SENP7: variants seen among roughly 807,000 people sequenced by gnomAD.
SENP7 encodes the protein SUMO specific peptidase 7, also known as sentrin-specific protease 7.
In SENP7, 64 loss-of-function variants were observed where a neutral mutation model predicts 141.2. The observed-to-expected ratio is 0.45, with a 90% confidence interval of 0.37 to 0.56. The LOEUF (loss-of-function observed/expected upper bound fraction) is 0.56. Ranked by LOEUF, SENP7 falls within the 20% of genes least tolerant of loss-of-function variation. The probability of loss-of-function intolerance (pLI) is 0.00; values close to 1 mark genes in which losing one functional copy is unlikely to be tolerated. For missense variants in SENP7, 1,025 were observed against 1,212.2 expected (o/e 0.85, Z 2.29); for synonymous variants, 382 against 426.4 (o/e 0.90, Z 1.28).
rs552764547 is a variant in SENP7, at chr3:101,464,423, C to T, written c.187-5371G>A. On this transcript the variant is annotated intron_variant, in intron 3 of 23. Coordinates refer to ENST00000394095, the MANE Select transcript of SENP7 (RefSeq NM_020654.5). ...CTTCACCTGTATTTACAGCCACTCC[C>T]CATTACTCACATTACCACCTGAGCT... Among the ~76,000 whole-genome samples the T allele has an allele frequency of 2.0e-5, 3 of 152,240 alleles. No homozygotes were observed. The East Asian group carries it at 5.8e-4, about 29-fold the overall frequency.
chr3:101,363,595 T>A (rs2059957225), intron 10 of SENP7, among the ~76,000 whole-genome samples: 1 of 152,230 alleles, frequency 6.6e-6, no homozygotes, highest in Admixed American at 6.5e-5. Context: ...TTAAATTCAT[T>A]ATCAATAATG....
intron 4 of SENP7, among the ~76,000 whole-genome samples, chr3:101,449,160 A>C (rs1355060182): frequency 6.6e-6 from 1 of 152,174 alleles, no homozygotes; most frequent in Non-Finnish European, 1.5e-5. Context: ...ATGAAGAGAG[A>C]AGTTTAGAGA....
rs539780941 is a variant in SENP7 at position 101,493,502 on chromosome 3, T to C, written c.186+371A>G. On this transcript the variant is annotated intron_variant, in intron 3 of 23. Coordinates refer to ENST00000394095, the MANE Select transcript of SENP7 (RefSeq NM_020654.5). ...GTCCAGATTTATAATCAAAATAGCT[T>C]TTGAAATATAGTTATATTACTCCTT... Among the ~76,000 whole-genome samples, 130 of 152,342 alleles carry C rather than the reference T, an allele frequency of 8.5e-4. 1 individual carries two copies. Among genetic ancestry groups the C allele is most frequent in the African/African-American group, 2.8e-3 (116 of 41,572 alleles).
intron 3 of SENP7, among the ~76,000 whole-genome samples, chr3:101,473,367 C>T (rs566390740): frequency 6.6e-6 from 1 of 152,278 alleles, no homozygotes; most frequent in South Asian, 2.1e-4. Context: ...TATAACCATT[C>T]CTTTTTCTCC....
At chr3:101,457,552 CAAT>C (rs2063395216) in intron 4 of SENP7, 7 of 1,601,034 alleles carry the variant, frequency 4.4e-6, no homozygotes, top group Non-Finnish European at 6.0e-6. Flanking sequence ...TGCACCTCTT[CAAT>C]ACCAAAGATA....
chr3:101,406,361 C>T (rs2061304633), intron 5 of SENP7, among the ~76,000 whole-genome samples: 1 of 151,756 alleles, frequency 6.6e-6, no homozygotes, highest in African/African-American at 2.4e-5. Flanking sequence ...CATGTTCTCA[C>T]TCATAGGTGG....
intron 3 of SENP7, among the ~76,000 whole-genome samples, chr3:101,483,944 T>C (rs542062938): frequency 3.9e-5 from 6 of 152,200 alleles, no homozygotes; most frequent in Non-Finnish European, 8.8e-5. Context: ...ATGAGATTGC[T>C]TGAACCCAGG....
At chr3:101,341,842 A>C in intron 14 of SENP7, 63 bp from the exon 15 acceptor site, 1 of 1,469,668 alleles carries the variant, frequency 6.8e-7, no homozygotes, top group Non-Finnish European at 9.2e-7. Context: ...ACAAAGTCAA[A>C]ACGTAGACGT....
At chr3:101,461,553 T>G (rs913383823) in intron 3 of SENP7, among the ~76,000 whole-genome samples, 3 of 151,480 alleles carry the variant, frequency 2.0e-5, no homozygotes, top group African/African-American at 7.3e-5. Flanking sequence ...GGAACCTTCA[T>G]ACATTGCTAG....
intron 4 of SENP7, among the ~76,000 whole-genome samples, chr3:101,437,770 A>T (rs1009691566): frequency 1.6e-4 from 25 of 152,180 alleles, no homozygotes; most frequent in African/African-American, 6.0e-4. Flanking sequence ...CAATTTAAAA[A>T]TAAGCATAGG....
intron 7 of SENP7, among the ~76,000 whole-genome samples, chr3:101,370,516 AAAT>A (rs2060150426): frequency 6.6e-6 from 1 of 152,212 alleles, no homozygotes; most frequent in Non-Finnish European, 1.5e-5. Context: ...TGTATAGTTT[AAAT>A]AATCTCTAGA....
chr3:101,383,599 T>C (rs1308488577), intron 6 of SENP7, among the ~76,000 whole-genome samples: 1 of 152,084 alleles, frequency 6.6e-6, no homozygotes, highest in Non-Finnish European at 1.5e-5. Context: ...CCACTCCAAT[T>C]CTAGAGCAAA....
chr3:101,325,935 C>A lies in SENP7; in HGVS notation c.*8G>T. ...AGAGAACATCTGTGTCATGTTTGTA[C>A]AGATTAACTAGCTACTGCTGCCCTT... On this transcript the variant is annotated 3_prime_UTR_variant, in exon 24 of 24. Coordinates refer to ENST00000394095, the MANE Select transcript of SENP7 (RefSeq NM_020654.5). 1 of 1,603,416 alleles carries A rather than the reference C, an allele frequency of 6.2e-7. No homozygotes were observed. The highest frequency in any genetic ancestry group is 8.5e-7 in the Non-Finnish European group (1 of 1,175,158).
At chr3:101,496,594 T>C (rs1377481982) in intron 2 of SENP7, among the ~76,000 whole-genome samples, 2 of 151,508 alleles carry the variant, frequency 1.3e-5, no homozygotes, top group African/African-American at 4.9e-5. Context: ...TTTTTTTTTT[T>C]TGAGACAGAG....
chr3:101,385,516 G>C (rs2060628182), intron 6 of SENP7, among the ~76,000 whole-genome samples: 1 of 152,162 alleles, frequency 6.6e-6, no homozygotes. Flanking sequence ...CCTAAACTTA[G>C]GGCCTCTCCT....
At chr3:101,470,495 G>A (rs933349662) in intron 3 of SENP7, among the ~76,000 whole-genome samples, 14 of 151,990 alleles carry the variant, frequency 9.2e-5, no homozygotes, top group Admixed American at 5.9e-4. Flanking sequence ...TCAATGGAAC[G>A]TATCTCAAAA....
chr3:101,330,248 G>A, intron 20 of SENP7, 86 bp downstream of exon 20: 1 of 962,102 alleles, frequency 1.0e-6, no homozygotes, highest in African/African-American at 1.6e-5. Context: ...GGCCAGCATA[G>A]CCCACCTAGC....
At chr3:101,453,436 A>G (rs562469893) in intron 4 of SENP7, among the ~76,000 whole-genome samples, 1 of 152,342 alleles carries the variant, frequency 6.6e-6, no homozygotes, top group African/African-American at 2.4e-5. Flanking sequence ...TTGCAGCACT[A>G]TTCACAATAG....
At chr3:101,457,607 A>C in intron 4 of SENP7, 1 of 1,574,224 alleles carries the variant, frequency 6.4e-7, no homozygotes. Context: ...GAAGTTTTTT[A>C]TCATCTGCTG....
Sources: gnomAD v4.1 joint callset for allele counts (sites outside exome capture counted in the v4.1 genomes callset) on GRCh38, gnomAD v4.1.1 for gene constraint, MANE v1.5 for transcripts, NCBI Gene and HGNC (gene_info 2026-07-23, HGNC 2026-07-21) for gene names.